The following NOD2 variants were observed in gnomAD, a reference collection of about 807,000 sequenced individuals.
NOD2 encodes the protein nucleotide-binding oligomerization domain-containing protein 2.
A neutral mutation model predicts 90.9 loss-of-function variants in NOD2; 86 were observed. That is an observed-to-expected ratio of 0.95 (90% CI 0.79 to 1.13). The LOEUF (loss-of-function observed/expected upper bound fraction) is 1.13. NOD2 is among the 50% of genes most tolerant of loss of function. NOD2 has a pLI of 0.00. For missense variants in NOD2, 1,238 were observed against 1,283.8 expected, an observed-to-expected ratio of 0.96 and a Z score of 0.55; for synonymous variants, 581 against 554.6, an observed-to-expected ratio of 1.05 and a Z score of -0.67.
At position 50,711,226 on chromosome 16, in the gene NOD2, C is replaced by A. The variant is rs375201229; in HGVS notation, c.1234C>A (p.Arg412Ser). 6.2e-7 allele frequency: 1 copy of A among 1,614,024 alleles called. No individual in the cohort carries two copies. The highest frequency in any genetic ancestry group is 1.7e-5 in the Admixed American group (1 of 60,032). ...GTCGGCGTTCCTCAGGAAGTACATC[C>A]GCACCGAGTTCAACCTCAAGGGCTT... is the stretch of plus-strand genomic sequence containing the variant. ...AVSAFLRKYI[R>S]TEFNLKGFSE... is the part of the protein sequence containing the mutation. The change falls in exon 4 of 12, where the codon CGC (arginine) becomes AGC (serine). Residue 412 changes from arginine to serine, a missense_variant. Around this residue, in one of 3 missense-constraint regions of NOD2, gnomAD observed 567 missense variants for 577.3 expected, o/e 0.98. Transcript: ENST00000647318.
At chr16:50,698,986 G>A (rs900100359) in intron 1 of NOD2, among the ~76,000 whole-genome samples, 14 of 149,800 alleles carry the variant, frequency 9.3e-5, no homozygotes, top group Non-Finnish European at 1.9e-4. Context: ...GGAGCGCAAT[G>A]GTGCCATCTT....
intron 3 of NOD2, among the ~76,000 whole-genome samples, chr16:50,708,497 C>T (rs998524837): frequency 7.2e-5 from 11 of 152,228 alleles, no homozygotes; most frequent in African/African-American, 2.7e-4. Flanking sequence ...CCCTTTGCAA[C>T]AACCCTGAGA....
Position 50,711,573 on chromosome 16 carries a change from T to C in NOD2, c.1581T>C (p.Ala527=). 6.2e-7 allele frequency: 1 copy of C among 1,612,088 alleles called. No individual in the cohort carries two copies. Among genetic ancestry groups the C allele is most frequent in the Non-Finnish European group, 8.5e-7 (1 of 1,180,004 alleles). ...CCCTCCTGCACCTGGGCAGACTGGC[T>C]CTGTGGGGCCTGGGCATGTGCTGCT... ...LPTLLHLGRL[A]LWGLGMCCYV... The change falls in exon 4 of 12, where the codon GCT becomes GCC. Residue 527 remains alanine (A), a synonymous_variant. Transcript: ENST00000647318.
rs1421106522 is a variant in NOD2 at position 50,720,020 on chromosome 16, T to C, written c.2633+12T>C. 1.9e-6 allele frequency: 3 copies of C among 1,612,728 alleles called. No homozygotes were observed. Among genetic ancestry groups the C allele is most frequent in the Admixed American group, 3.3e-5 (2 of 60,024 alleles). On this transcript the variant is annotated intron_variant, in intron 7 of 11. Transcript: ENST00000647318. ...TTGCAGTTCCTGGGGTAGGTTGGAT[T>C]CCAGGAAGAGGGACCTGCATGGAGG...
rs117317173 is a variant in NOD2 at position 50,726,208 on chromosome 16, C to T, written c.2885+636C>T. Among the ~76,000 whole-genome samples, 54 of 150,620 alleles carry T rather than the reference C, an allele frequency of 3.6e-4. No individual in the cohort carries two copies. In the East Asian group the frequency reaches 9.1e-3, roughly 25 times the overall value. ...AGGTGAACATGAACCCACCTAGTGACCATCATGGGTTTGTCAGGGTGCTCT... is the reference window on the plus strand; with the variant it reads ...AGGTGAACATGAACCCACCTAGTGATCATCATGGGTTTGTCAGGGTGCTCT... On this transcript the variant is annotated intron_variant, in intron 10 of 11. Coordinates refer to ENST00000647318, the MANE Select transcript of NOD2 (RefSeq NM_001370466.1).
At position 50,710,718 on chromosome 16, in the gene NOD2, G is replaced by T. The variant is rs369766454; in HGVS notation, c.726G>T (p.Pro242=). ...CAGATGTGGGCATGGCTGGACCCCC[G>T]CAGAAGAGCCCAGCCACCCTGGGCC... ...VWADVGMAGP[P]QKSPATLGLE... The change falls in exon 4 of 12, where the codon CCG becomes CCT. Residue 242 remains proline, a synonymous_variant. Coordinates refer to ENST00000647318, the MANE Select transcript of NOD2 (RefSeq NM_001370466.1). 5 of 1,613,648 alleles carry T rather than the reference G, an allele frequency of 3.1e-6. No individual in the cohort carries two copies. The highest frequency in any genetic ancestry group is 1.7e-5 in the Admixed American group (1 of 59,960).
At chr16:50,722,850 A>C (rs1282011988) in intron 8 of NOD2, 145 bp downstream of exon 8, 1 of 799,804 alleles carries the variant, frequency 1.3e-6, no homozygotes, top group Non-Finnish European at 2.2e-6. Flanking sequence ...ATTGGATTTC[A>C]AGAGAGGACA....
At chr16:50,712,409 G>C (rs761554217) in intron 4 of NOD2, 36 bp downstream of exon 4, 21 of 1,610,754 alleles carry the variant, frequency 1.3e-5, no homozygotes, top group Non-Finnish European at 1.7e-5. Context: ...CAGGTATGGG[G>C]GAGCACCATC....
Position 50,711,075 on chromosome 16 carries a change from C to T in NOD2, c.1083C>T (p.Phe361=), listed in dbSNP as rs746445875. 1 of 1,614,210 alleles carries T rather than the reference C, an allele frequency of 6.2e-7. No individual in the cohort carries two copies. The highest frequency in any genetic ancestry group is 1.6e-4 in the Middle Eastern group (1 of 6,062). Residue 361 remains phenylalanine (F), a synonymous_variant, in exon 4 of 12, where the codon TTC becomes TTT. Transcript: ENST00000647318. The stretch of plus-strand genomic sequence containing the variant: ...GCTTTGACGAGTTCAAGTTCAGGTT[C>T]ACGGATCGTGAACGCCACTGCTCCC... ...FDGFDEFKFR[F]TDRERHCSPT... is the part of the protein sequence containing the mutation.
chr16:50,722,628 G>A lies in NOD2; in HGVS notation c.2640G>A (p.Trp880Ter). 6.2e-7 allele frequency: 1 copy of A among 1,614,176 alleles called. No individual in the cohort carries two copies. Among genetic ancestry groups the A allele is most frequent in the African/African-American group, 1.3e-5 (1 of 75,036 alleles). Reference protein sequence around the residue: ...GNTSLQFLGFWGNRVGDEGAQ... With the variant: ...GNTSLQFLGF ...ACTCTTTTGGCCTTTTCAGATTCTG[G>A]GGCAACAGAGTGGGTGACGAGGGGG... The change falls in exon 8 of 12, where the codon TGG becomes TGA. Residue 880 changes from tryptophan (W) to a stop codon, truncating the protein, a stop_gained. Transcript: ENST00000647318. LOFTEE classifies it high-confidence loss of function.
rs536784253 is a variant in NOD2 at position 50,718,502 on chromosome 16, G to A, written c.2550-1423G>A. 3.9e-5 allele frequency among the ~76,000 whole-genome samples: 6 copies of A among 152,248 alleles called. No homozygotes were observed. The South Asian group carries it at 1.2e-3, about 31-fold the overall frequency. ...TTCCATTTAATATTTTTGGACTGCA[G>A]TTGATTTCAGATAACTGAAACCATA... On this transcript the variant is annotated intron_variant, in intron 6 of 11. Transcript: ENST00000647318.
intron 4 of NOD2, 147 bp from the exon 5 acceptor site, chr16:50,716,440 T>G: frequency 1.5e-5 from 11 of 753,208 alleles, no homozygotes; most frequent in Non-Finnish European, 2.4e-5. Context: ...GGTCTCCACT[T>G]TTTTGGGGTG....
intron 2 of NOD2, among the ~76,000 whole-genome samples, chr16:50,704,532 C>CTTTTTTTTTTTTTTTTTTTTTT: frequency 6.9e-6 from 1 of 145,574 alleles, no homozygotes; most frequent in Non-Finnish European, 1.5e-5. Context: ...ATTCCAAAAC[C>CTTTTTTTTTTTTTTTTTTTTTT]TTTTTTTTTT....
At chr16:50,729,357 AC>A (rs1965373328) in intron 10 of NOD2, among the ~76,000 whole-genome samples, 1 of 151,528 alleles carries the variant, frequency 6.6e-6, no homozygotes, top group African/African-American at 2.4e-5. Context: ...ATGGCCCAGG[AC>A]CCATGCCACA....
At chr16:50,705,021 T>C (rs1964121302) in intron 2 of NOD2, among the ~76,000 whole-genome samples, 1 of 152,228 alleles carries the variant, frequency 6.6e-6, no homozygotes, top group South Asian at 2.1e-4. Flanking sequence ...TTTTATCTCT[T>C]CTCTTTTCAT....
chr16:50,697,016 T>C (rs1963678332), intron 1 of NOD2: 1 of 597,420 alleles, frequency 1.7e-6, no homozygotes, highest in Non-Finnish European at 3.0e-6. Context: ...GTGAGGGTCA[T>C]GGTCTCCAGG....
At chr16:50,725,765 G>T (rs1320857777) in intron 10 of NOD2, among the ~76,000 whole-genome samples, 193 bp downstream of exon 10, 1 of 152,172 alleles carries the variant, frequency 6.6e-6, no homozygotes, top group Non-Finnish European at 1.5e-5. Flanking sequence ...AGTAAATGCT[G>T]ATAGGAGAGT....
chr16:50,716,796 G>C lies in NOD2; in HGVS notation c.2466-95G>C, dbSNP rs1315714512. ...TGTTTGCATGATGGGGGGTGCAGGTGATTCCTGCCCAGAGGGGAAGGGCAA... is the reference window on the plus strand; with the variant it reads ...TGTTTGCATGATGGGGGGTGCAGGTCATTCCTGCCCAGAGGGGAAGGGCAA... On this transcript the variant is annotated intron_variant, in intron 5 of 11. Transcript: ENST00000647318. 13 of 1,458,730 alleles carry C rather than the reference G, an allele frequency of 8.9e-6. No individual in the cohort carries two copies. In the African/African-American group the frequency reaches 1.7e-4, roughly 19 times the overall value. The allele number at this position is 1,458,730 out of a possible 1,614,324, so 90.4% of individuals were successfully genotyped here.
Position 50,711,035 on chromosome 16 carries a change from T to G in NOD2, c.1043T>G (p.Leu348Arg), listed in dbSNP as rs1477656665. 1.9e-6 allele frequency: 3 copies of G among 1,614,090 alleles called. No homozygotes were observed. The highest frequency in any genetic ancestry group is 2.5e-6 in the Non-Finnish European group (3 of 1,180,050). Reference sequence around the variant, plus strand: ...CTCCTTGACCACCCTGACCGTGTCCTGTTAACCTTTGATGGCTTTGACGAG... The same window carrying G: ...CTCCTTGACCACCCTGACCGTGTCCGGTTAACCTTTGATGGCTTTGACGAG... ...QLLLDHPDRV[L>R]LTFDGFDEFK... is the part of the protein sequence containing the mutation. The change falls in exon 4 of 12, where the codon CTG becomes CGG. Residue 348 changes from leucine (L) to arginine (R), a missense_variant. Leu to Arg is a moderately radical substitution (Grantham distance 102). This residue lies in a region of NOD2 where 567 missense variants were observed against 577.3 expected (regional missense o/e 0.98). Coordinates refer to ENST00000647318, the MANE Select transcript of NOD2 (RefSeq NM_001370466.1).
Sources: gnomAD v4.1 joint callset for allele counts (sites outside exome capture counted in the v4.1 genomes callset) on GRCh38, gnomAD v4.1.1 for gene constraint, gnomAD v4.1.1 regional missense constraint, MANE v1.5 for transcripts, NCBI Gene and HGNC (gene_info 2026-07-23, HGNC 2026-07-21) for gene names.